NKAIN3: variants seen among roughly 807,000 people sequenced by gnomAD.
NKAIN3 encodes sodium/potassium transporting ATPase interacting 3.
A neutral mutation model predicts 30.2 loss-of-function variants in NKAIN3; 25 were observed. The observed-to-expected ratio is 0.83, with a 90% CI of 0.60 to 1.16. The LOEUF (loss-of-function observed/expected upper bound fraction) is 1.16, where lower values mean the gene tolerates loss of function less well. Ranked by LOEUF, NKAIN3 falls within the 50% of genes most tolerant of loss-of-function variation. NKAIN3 has a pLI of 0.00. For missense variants in NKAIN3, 225 were observed against 254.1 expected, an observed-to-expected ratio of 0.89 and a Z score of 0.78; for synonymous variants, 91 against 89.6, an observed-to-expected ratio of 1.02 and a Z score of -0.09.
intron 3 of NKAIN3, among the ~76,000 whole-genome samples, chr8:62,642,920 TAAA>T (rs535981993): frequency 6.6e-6 from 1 of 152,062 alleles, no homozygotes; most frequent in East Asian, 1.9e-4. Context: ...TTGAATAAAA[TAAA>T]AAATTTATTG....
At chr8:62,339,491 CACTG>C (rs999623036) in intron 1 of NKAIN3, among the ~76,000 whole-genome samples, 7 of 152,060 alleles carry the variant, frequency 4.6e-5, no homozygotes, top group Admixed American at 3.9e-4. Flanking sequence ...TCAGCTTCTA[CACTG>C]ACTATTTCCT....
At chr8:62,418,696 A>G (rs1340004803) in intron 1 of NKAIN3, among the ~76,000 whole-genome samples, 1 of 152,098 alleles carries the variant, frequency 6.6e-6, no homozygotes, top group Non-Finnish European at 1.5e-5. Flanking sequence ...TACATTCTCA[A>G]TTTTGCTTTC....
chr8:62,925,932 A>T (rs1293341655), intron 5 of NKAIN3, among the ~76,000 whole-genome samples: 1 of 152,124 alleles, frequency 6.6e-6, no homozygotes, highest in Non-Finnish European at 1.5e-5. Context: ...AGGAGGAATC[A>T]CATCTCCCTA....
chr8:62,318,962 C>T (rs533418718), intron 1 of NKAIN3, among the ~76,000 whole-genome samples: 1 of 152,216 alleles, frequency 6.6e-6, no homozygotes, highest in East Asian at 1.9e-4. Context: ...CCATCTGGTC[C>T]TGGACTTTTT....
chr8:62,377,647 ATGGGGGTGGTT>A (rs1363603852), intron 1 of NKAIN3, among the ~76,000 whole-genome samples: 71 of 152,264 alleles, frequency 4.7e-4, no homozygotes, highest in African/African-American at 1.7e-3. Flanking sequence ...TAATTAAAAC[ATGGGGGTGGTT>A]CCCCCCATGC....
At position 62,684,793 on chromosome 8, in the gene NKAIN3, G is replaced by A. The variant is rs537368952; in HGVS notation, c.274-62139G>A. Among the ~76,000 whole-genome samples the A allele has an allele frequency of 9.2e-5, 14 of 152,214 alleles. No individual in the cohort carries two copies. The South Asian group carries it at 2.7e-3, about 29-fold the overall frequency. On this transcript the variant is annotated intron_variant, in intron 3 of 6. Transcript: ENST00000623646. Reference sequence around the variant, plus strand: ...TCCACCATGATTGATGCCCTTATGAGAAAAGGAGATTATGACACAGACATG... The same window carrying A: ...TCCACCATGATTGATGCCCTTATGAAAAAAGGAGATTATGACACAGACATG...
At chr8:62,809,955 G>A (rs1294563657) in intron 4 of NKAIN3, among the ~76,000 whole-genome samples, 3 of 152,080 alleles carry the variant, frequency 2.0e-5, no homozygotes, top group Non-Finnish European at 4.4e-5. Context: ...TAGAATAATT[G>A]TAATTAAGAT....
Position 62,737,003 on chromosome 8 carries a change from T to C in NKAIN3, c.274-9929T>C, listed in dbSNP as rs114729528. Among the ~76,000 whole-genome samples, 442 of 152,282 alleles carry C rather than the reference T, an allele frequency of 2.9e-3. 2 individuals are homozygous for C. Among genetic ancestry groups the C allele is most frequent in the African/African-American group, 0.01 (420 of 41,560 alleles). On this transcript the variant is annotated intron_variant, in intron 3 of 6. Transcript: ENST00000623646. ...CCCAGTGAGGATGTGTGTTTGGAGG[T>C]GGACATCCCTCTTCCACCCATTGGG...
chr8:62,364,847 A>AAAAAAAAAAAAAAAC (rs1816686619), intron 1 of NKAIN3, among the ~76,000 whole-genome samples: 3 of 151,144 alleles, frequency 2.0e-5, no homozygotes, highest in Non-Finnish European at 4.4e-5. Flanking sequence ...AAAAAAAAAA[A>AAAAAAAAAAAAAAAC]AAAATCATCT....
At chr8:62,796,817 A>AC (rs1554578657) in intron 4 of NKAIN3, among the ~76,000 whole-genome samples, 506 of 41,366 alleles carry the variant, frequency 0.012, 4 homozygotes, top group African/African-American at 0.025. Context: ...CACACACACA[A>AC]ATACTCATGA....
intron 4 of NKAIN3, chr8:62,856,470 A>G: frequency 1.3e-6 from 1 of 784,350 alleles, no homozygotes; most frequent in Non-Finnish European, 2.3e-6. Flanking sequence ...CAAAGCCCCC[A>G]GGTTTCTTCA....
rs73267335 is a variant in NKAIN3 at position 62,494,644 on chromosome 8, G to A, written c.55-84895G>A. Among the ~76,000 whole-genome samples, 223 of 152,066 alleles carry A rather than the reference G, an allele frequency of 1.5e-3. 1 individual carries two copies. The highest frequency in any genetic ancestry group is 5.1e-3 in the African/African-American group (211 of 41,482). ...AGAACTTGGCTGTGAGTTTCTCTGG[G>A]CCTGGGCTTTTTTTGATTGGTGTTT... On this transcript the variant is annotated intron_variant, in intron 1 of 6. Coordinates refer to ENST00000623646, the MANE Select transcript of NKAIN3 (RefSeq NM_001304533.3).
intron 5 of NKAIN3, among the ~76,000 whole-genome samples, chr8:62,931,605 C>T (rs372176979): frequency 1.3e-5 from 2 of 152,108 alleles, no homozygotes; most frequent in East Asian, 3.9e-4. Flanking sequence ...GGCAGGGAAG[C>T]GGTACCCAAA....
At chr8:62,719,730 T>A (rs1351577221) in intron 3 of NKAIN3, among the ~76,000 whole-genome samples, 1 of 151,478 alleles carries the variant, frequency 6.6e-6, no homozygotes, top group Non-Finnish European at 1.5e-5. Context: ...TGTAATCTTC[T>A]GCATACATTT....
At chr8:62,343,760 C>T (rs1189791862) in intron 1 of NKAIN3, among the ~76,000 whole-genome samples, 1 of 151,882 alleles carries the variant, frequency 6.6e-6, no homozygotes, top group Non-Finnish European at 1.5e-5. Context: ...ACAGTAAGCT[C>T]TGATTGCGCC....
chr8:62,835,251 A>G (rs980357426), intron 4 of NKAIN3, among the ~76,000 whole-genome samples: 17 of 152,150 alleles, frequency 1.1e-4, no homozygotes, highest in Admixed American at 9.2e-4. Flanking sequence ...CATTCTGGAC[A>G]TTGGCTTTAG....
At chr8:62,470,578 C>T (rs1335156998) in intron 1 of NKAIN3, among the ~76,000 whole-genome samples, 2 of 152,050 alleles carry the variant, frequency 1.3e-5, no homozygotes, top group Non-Finnish European at 2.9e-5. Context: ...TTCACAAACT[C>T]ATGGATTGCA....
chr8:62,529,818 A>G (rs1304097527), intron 1 of NKAIN3, among the ~76,000 whole-genome samples: 3 of 152,248 alleles, frequency 2.0e-5, no homozygotes, highest in East Asian at 3.9e-4. Context: ...AGAAGTTTTT[A>G]CCCATGAAGA....
chr8:62,586,892 A>G (rs1179923328), intron 2 of NKAIN3, among the ~76,000 whole-genome samples: 1 of 152,026 alleles, frequency 6.6e-6, no homozygotes, highest in East Asian at 1.9e-4. Context: ...TGGAGAGATT[A>G]TGCAGAGTGA....
Sources: allele counts gnomAD v4.1 joint callset (sites outside exome capture counted in the v4.1 genomes callset), GRCh38; gene constraint gnomAD v4.1.1; transcripts MANE v1.5; gene names NCBI Gene and HGNC (gene_info 2026-07-23, HGNC 2026-07-21).